The following PRKN variants were observed in gnomAD, a reference collection of about 807,000 sequenced individuals.
PRKN encodes parkin RBR E3 ubiquitin protein ligase, also known as E3 ubiquitin-protein ligase parkin.
A neutral mutation model predicts 59.5 loss-of-function variants in PRKN; 56 were observed. The observed-to-expected ratio is 0.94, with a 90% CI of 0.76 to 1.18. The LOEUF is 1.18. Ranked by LOEUF, PRKN falls within the 50% of genes most tolerant of loss-of-function variation. PRKN has a pLI of 0.00. For missense variants in PRKN, 657 were observed against 596.4 expected (o/e 1.10, Z -1.06); for synonymous variants, 250 against 222.1 (o/e 1.13, Z -1.12).
intron 6 of PRKN, among the ~76,000 whole-genome samples, chr6:161,829,086 C>T (rs1435881919): frequency 6.6e-6 from 1 of 151,554 alleles, no homozygotes; most frequent in African/African-American, 2.4e-5. Flanking sequence ...ATTAGCCAGG[C>T]ATAGTGGCAT....
At chr6:161,829,848 C>CTAAA (rs1328474990) in intron 6 of PRKN, among the ~76,000 whole-genome samples, 27 of 108,438 alleles carry the variant, frequency 2.5e-4, no homozygotes, top group African/African-American at 1.3e-3. Flanking sequence ...GCACTAAATG[C>CTAAA]CAAAAAAAAA....
At chr6:162,718,616 G>C (rs1439589188) in intron 1 of PRKN, among the ~76,000 whole-genome samples, 1 of 152,064 alleles carries the variant, frequency 6.6e-6, no homozygotes. Context: ...GGGAGGCTGA[G>C]GCAGGAGAAT....
At chr6:162,339,389 G>A (rs1421212549) in intron 2 of PRKN, among the ~76,000 whole-genome samples, 1 of 145,512 alleles carries the variant, frequency 6.9e-6, no homozygotes, top group African/African-American at 2.6e-5. Flanking sequence ...GAGGGAGGTG[G>A]GGGGGTCAGC....
intron 7 of PRKN, among the ~76,000 whole-genome samples, chr6:161,604,833 G>C (rs1326728873): frequency 6.6e-6 from 1 of 152,122 alleles, no homozygotes; most frequent in East Asian, 1.9e-4. Flanking sequence ...TACGCAGGAG[G>C]CTGAGGCAAG....
intron 9 of PRKN, among the ~76,000 whole-genome samples, chr6:161,531,648 C>T (rs573823405): frequency 1.9e-4 from 29 of 152,222 alleles, no homozygotes; most frequent in East Asian, 1.7e-3. Flanking sequence ...TAGATATATA[C>T]GCTGCAAACG....
chr6:161,797,563 G>C (rs779322812), intron 6 of PRKN, among the ~76,000 whole-genome samples: 3 of 152,208 alleles, frequency 2.0e-5, no homozygotes, highest in Non-Finnish European at 2.9e-5. Context: ...ACTGTGCCCA[G>C]TGGGCCTTTT....
intron 9 of PRKN, among the ~76,000 whole-genome samples, chr6:161,438,489 T>G (rs1479308416): frequency 6.6e-6 from 1 of 152,114 alleles, no homozygotes; most frequent in Non-Finnish European, 1.5e-5. Context: ...GTGCTGGGAT[T>G]ACAGGCATCA....
intron 9 of PRKN, among the ~76,000 whole-genome samples, chr6:161,510,863 C>T (rs1778359567): frequency 6.6e-6 from 1 of 152,120 alleles, no homozygotes; most frequent in East Asian, 1.9e-4. Flanking sequence ...AAATGGCCCT[C>T]CTTTCCCCTG....
chr6:161,425,219 T>G (rs1490089100), intron 9 of PRKN, among the ~76,000 whole-genome samples: 1 of 152,034 alleles, frequency 6.6e-6, no homozygotes, highest in Non-Finnish European at 1.5e-5. Flanking sequence ...GAGCTGAAAC[T>G]CCCTCCTAGA....
chr6:161,794,290 A>G (rs1463418601), intron 6 of PRKN, among the ~76,000 whole-genome samples: 2 of 152,180 alleles, frequency 1.3e-5, no homozygotes, highest in Non-Finnish European at 2.9e-5. Flanking sequence ...CACAGGTGCT[A>G]TAAAAATAAT....
At chr6:162,069,824 A>C (rs577352396) in intron 4 of PRKN, among the ~76,000 whole-genome samples, 2 of 152,222 alleles carry the variant, frequency 1.3e-5, no homozygotes, top group Non-Finnish European at 2.9e-5. Context: ...AGTTCTTATT[A>C]ATATTTTTCA....
chr6:161,352,767 A>ATTTTTT lies in PRKN; in HGVS notation c.1286-2557_1286-2556insAAAAAA, dbSNP rs1477609421. Among the ~76,000 whole-genome samples the ATTTTTT allele has an allele frequency of 8.8e-6, 1 of 113,386 alleles. No homozygotes were observed. Among genetic ancestry groups the ATTTTTT allele is most frequent in the African/African-American group, 3.0e-5 (1 of 33,548 alleles). The allele number at this position is 113,386 out of a possible 152,430, so 74.4% of individuals were successfully genotyped here. Reference sequence around the variant, plus strand: ...TGTGTGTGTGTGTGTATATATATATATATATTTTATTTTATTTTATTTTAT... The same window carrying ATTTTTT: ...TGTGTGTGTGTGTGTATATATATATATTTTTTTATATTTTATTTTATTTTATTTTAT... On this transcript the variant is annotated intron_variant, in intron 11 of 11. Transcript: ENST00000366898. This position sits in a 1 kb window ranked among gnomAD's most constrained non-coding sequence, Gnocchi z 5.8.
At chr6:162,502,405 C>T (rs1029151497) in intron 1 of PRKN, among the ~76,000 whole-genome samples, 4 of 152,058 alleles carry the variant, frequency 2.6e-5, no homozygotes, top group African/African-American at 9.7e-5. Context: ...AGGCCATTTC[C>T]CCAACGCCTC....
At chr6:162,479,559 G>A (rs898962407) in intron 1 of PRKN, among the ~76,000 whole-genome samples, 4 of 152,046 alleles carry the variant, frequency 2.6e-5, no homozygotes, top group African/African-American at 9.7e-5. Flanking sequence ...TAAAAAGCAA[G>A]ACATAAACAC....
intron 1 of PRKN, among the ~76,000 whole-genome samples, chr6:162,622,418 A>C (rs1466300069): frequency 6.6e-6 from 1 of 151,878 alleles, no homozygotes; most frequent in Admixed American, 6.6e-5. Flanking sequence ...ACCTCGCCTC[A>C]GGTCATCTGC....
At position 161,738,218 on chromosome 6, in the gene PRKN, A is replaced by T. The variant is rs541280214; in HGVS notation, c.871+47554T>A. The stretch of plus-strand genomic sequence containing the variant: ...CACCAAAGCTTCACCTATAAGAATA[A>T]CTTATTACTGAATTGGTGTCTTTCT... On this transcript the variant is annotated intron_variant, in intron 7 of 11. Coordinates refer to ENST00000366898, the MANE Select transcript of PRKN (RefSeq NM_004562.3). 2.3e-3 allele frequency among the ~76,000 whole-genome samples: 343 copies of T among 152,300 alleles called. 5 individuals are homozygous for T. Among genetic ancestry groups the T allele is most frequent in the Middle Eastern group, 6.8e-3 (2 of 294 alleles).
intron 4 of PRKN, among the ~76,000 whole-genome samples, chr6:162,089,288 T>A (rs1779377605): frequency 6.6e-6 from 1 of 152,058 alleles, no homozygotes; most frequent in Non-Finnish European, 1.5e-5. Flanking sequence ...CCCAATAAAC[T>A]CTTGAAAAGA....
intron 1 of PRKN, chr6:162,569,156 C>A: frequency 1.6e-6 from 1 of 607,684 alleles, no homozygotes. Flanking sequence ...AGAGCATGTA[C>A]CAGATCAAGT....
intron 5 of PRKN, among the ~76,000 whole-genome samples, chr6:162,012,687 C>G (rs1259788519): frequency 6.6e-6 from 1 of 152,110 alleles, no homozygotes; most frequent in Admixed American, 6.6e-5. Context: ...CCAAGCCCCC[C>G]AAATTGAACC....
Sources: allele counts gnomAD v4.1 joint callset (sites outside exome capture counted in the v4.1 genomes callset), GRCh38; gene constraint gnomAD v4.1.1; non-coding constraint Gnocchi (gnomAD v3.1); transcripts MANE v1.5; gene names NCBI Gene and HGNC (gene_info 2026-07-23, HGNC 2026-07-21).